MYRF: variants seen among roughly 807,000 people sequenced by gnomAD.
MYRF encodes the protein myelin regulatory factor.
MYRF carries 16 observed loss-of-function variants against 126.3 expected under a neutral mutation model. The observed-to-expected ratio is 0.13, with a 90% CI of 0.09 to 0.19. The LOEUF (loss-of-function observed/expected upper bound fraction) is 0.19. Among genes scored for constraint, MYRF ranks in the 10% least tolerant of loss-of-function variants. MYRF has a pLI of 1.00. For missense variants in MYRF, 1,104 were observed against 1,547.0 expected (o/e 0.71, Z 4.80); for synonymous variants, 608 against 635.3 (o/e 0.96, Z 0.65).
intron 1 of MYRF, among the ~76,000 whole-genome samples, chr11:61,759,302 C>T (rs562904665): frequency 1.3e-5 from 2 of 152,264 alleles, no homozygotes; most frequent in South Asian, 2.1e-4. Context: ...GAGGACAGGG[C>T]GGCAGCTTCA....
At chr11:61,761,426 C>T (rs3020893) in intron 1 of MYRF, among the ~76,000 whole-genome samples, 2 of 152,022 alleles carry the variant, frequency 1.3e-5, no homozygotes, top group African/African-American at 2.4e-5. Flanking sequence ...AAGAGCGGAG[C>T]GGAGGGGAGG....
intron 8 of MYRF, among the ~76,000 whole-genome samples, chr11:61,775,344 G>A (rs908516577): frequency 1.1e-4 from 17 of 152,146 alleles, no homozygotes; most frequent in African/African-American, 4.1e-4. Context: ...CCTCCACCCT[G>A]TGGCTCCCTT....
intron 7 of MYRF, 71 bp from the exon 8 acceptor site, chr11:61,773,896 C>CAGGT: frequency 1.5e-6 from 2 of 1,361,954 alleles, no homozygotes; most frequent in Non-Finnish European, 2.0e-6. Flanking sequence ...TGGAACCCAG[C>CAGGT]AGGTAGGAGG....
chr11:61,781,335 G>A lies in MYRF; in HGVS notation c.2764+6G>A, dbSNP rs1021018974. 1 of 1,612,928 alleles carries A rather than the reference G, an allele frequency of 6.2e-7. No homozygotes were observed. The highest frequency in any genetic ancestry group is 1.1e-5 in the South Asian group (1 of 91,080). ...CCCCAGCACCAACCGCTCAGGTAAG[G>A]CTTTCTGTGGGCTGGGGCTTGGGGC... is the stretch of plus-strand genomic sequence containing the variant. On this transcript the variant is annotated splice_donor_region_variant and intron_variant, in intron 21 of 26. Transcript: ENST00000278836.
chr11:61,770,033 A>G (rs2066166898), intron 4 of MYRF, among the ~76,000 whole-genome samples: 1 of 151,882 alleles, frequency 6.6e-6, no homozygotes, highest in African/African-American at 2.4e-5. Context: ...GATGAGGTGA[A>G]AGGCTGCCCC....
Position 61,766,093 on chromosome 11 carries a change from C to T in MYRF, c.270C>T (p.Leu90=). Residue 90 remains leucine, a synonymous_variant, in exon 3 of 27, where the codon CTC becomes CTT. Transcript: ENST00000278836. ...GGPSPGRHGP[L]PPPGYGTPLN... ...CCTCCCCGGGGCGCCATGGTCCCCT[C>T]CCACCCCCGGGCTACGGCACCCCGC... is the stretch of plus-strand genomic sequence containing the variant. The T allele has an allele frequency of 1.2e-6, 2 of 1,606,724 alleles. No homozygotes were observed. The highest frequency in any genetic ancestry group is 1.7e-6 in the Non-Finnish European group (2 of 1,178,756).
At chr11:61,772,219 G>A (rs628993) in intron 7 of MYRF, among the ~76,000 whole-genome samples, 14,705 of 152,104 alleles carry the variant, frequency 0.097, 1,379 homozygotes, top group South Asian at 0.39. Flanking sequence ...TTTTTCCCCC[G>A]GTTCCTCCTT....
intron 1 of MYRF, among the ~76,000 whole-genome samples, chr11:61,761,154 G>A (rs2065883559): frequency 6.6e-6 from 1 of 152,144 alleles, no homozygotes; most frequent in African/African-American, 2.4e-5. Flanking sequence ...CATTGACGGG[G>A]CAGGGGAGGG....
intron 1 of MYRF, among the ~76,000 whole-genome samples, chr11:61,760,839 C>A (rs894167222): frequency 6.6e-6 from 1 of 152,150 alleles, no homozygotes; most frequent in African/African-American, 2.4e-5. Context: ...AGAAACCAGG[C>A]CTCTTTGACT....
At chr11:61,753,306 G>A (rs1014014582) in intron 1 of MYRF, among the ~76,000 whole-genome samples, 29 of 151,478 alleles carry the variant, frequency 1.9e-4, no homozygotes, top group African/African-American at 7.0e-4. Context: ...TCTGGTTGGC[G>A]CCATCCCCCA....
intron 22 of MYRF, chr11:61,782,929 C>G (rs1244577342): frequency 6.6e-6 from 1 of 152,512 alleles, no homozygotes; most frequent in Admixed American, 6.5e-5. Flanking sequence ...GATAGTCAGG[C>G]AGCAGCAAGA....
chr11:61,758,338 T>C (rs796656828), intron 1 of MYRF, among the ~76,000 whole-genome samples: 25 of 152,306 alleles, frequency 1.6e-4, no homozygotes, highest in African/African-American at 6.0e-4. Flanking sequence ...CACTCCCCTC[T>C]CTTCTCCCTC....
chr11:61,753,032 G>A (rs2135645434), intron 1 of MYRF, among the ~76,000 whole-genome samples: 1 of 152,144 alleles, frequency 6.6e-6, no homozygotes, highest in Admixed American at 6.5e-5. Context: ...TTGGGACTGT[G>A]TCCCCTTCCA....
In MYRF at chr11:61,770,261, G is replaced by A. The variant is rs1053151854; in HGVS notation, c.476G>A (p.Arg159His). ...PQQVNEPHLL[R>H]TITPETLCHV... ...TCTCCTGCAGAGCCCCACCTCCTGCGCACGATAACCCCTGAGACACTGTGC... is the reference window on the plus strand; with the variant it reads ...TCTCCTGCAGAGCCCCACCTCCTGCACACGATAACCCCTGAGACACTGTGC... Residue 159 changes from arginine to histidine, a missense_variant, in exon 5 of 27, where the codon CGC becomes CAC. Physicochemically the swap from Arg to His is conservative, Grantham distance 29. Around this residue, in one of 10 missense-constraint regions of MYRF, gnomAD observed 368 missense variants for 403.9 expected, o/e 0.91. Coordinates refer to ENST00000278836, the MANE Select transcript of MYRF (RefSeq NM_001127392.3). 1.9e-6 allele frequency: 3 copies of A among 1,607,552 alleles called. No homozygotes were observed. The highest frequency in any genetic ancestry group is 2.5e-6 in the Non-Finnish European group (3 of 1,178,468).
intron 5 of MYRF, among the ~76,000 whole-genome samples, chr11:61,770,739 A>G (rs981964298): frequency 9.2e-5 from 14 of 152,112 alleles, no homozygotes; most frequent in African/African-American, 3.1e-4. Context: ...GCTCACAACT[A>G]CCTTATCTGG....
At chr11:61,753,974 C>CCAG in intron 1 of MYRF, 1 of 152,504 alleles carries the variant, frequency 6.6e-6, no homozygotes, top group East Asian at 1.9e-4. Context: ...ATGCAGCGAG[C>CCAG]CCAGCCCCTG....
Position 61,777,635 on chromosome 11 carries a change from C to CT in MYRF, c.1792-98dup. On this transcript the variant is annotated intron_variant, in intron 12 of 26. Transcript: ENST00000278836. This position sits in a 1 kb window ranked among gnomAD's most constrained non-coding sequence, Gnocchi z 8.8. The stretch of plus-strand genomic sequence containing the variant: ...AACCACTCCAGTGGTGGGGTCTCCT[C>CT]TCCACACTGCAGCCTCCAGGCTGCC... 1 of 1,342,962 alleles carries CT rather than the reference C, an allele frequency of 7.4e-7. No homozygotes were observed. Among genetic ancestry groups the CT allele is most frequent in the Non-Finnish European group, 1.0e-6 (1 of 972,084 alleles). The allele number at this position is 1,342,962 out of a possible 1,614,324, so 83.2% of individuals were successfully genotyped here. A position where few individuals can be genotyped will look rare whatever the true frequency, so the allele number is the denominator to read the frequency against.
At chr11:61,765,783 G>C in intron 2 of MYRF, 71 bp downstream of exon 2, 1 of 1,507,338 alleles carries the variant, frequency 6.6e-7, no homozygotes. Context: ...TCACCAGGGA[G>C]GTCTGAGGGC....
chr11:61,766,735 C>A (rs2135752257), intron 3 of MYRF: 1 of 307,188 alleles, frequency 3.3e-6, no homozygotes, highest in Admixed American at 4.4e-5. Flanking sequence ...ACACCAAGGG[C>A]CTGACCCAGG....
Sources: allele counts gnomAD v4.1 joint callset (sites outside exome capture counted in the v4.1 genomes callset), GRCh38; gene constraint gnomAD v4.1.1; regional missense constraint gnomAD v4.1.1; non-coding constraint Gnocchi (gnomAD v3.1); transcripts MANE v1.5; gene names NCBI Gene and HGNC (gene_info 2026-07-23, HGNC 2026-07-21).